PLCE1: variants seen among roughly 807,000 people sequenced by gnomAD.
PLCE1 encodes 1-phosphatidylinositol 4,5-bisphosphate phosphodiesterase epsilon-1.
Under a neutral mutation model 242.8 loss-of-function variants are expected in PLCE1, and 119 were observed. The observed-to-expected ratio is 0.49, with a 90% CI of 0.42 to 0.57. PLCE1 has a LOEUF of 0.57. PLCE1 is among the 20% of genes least tolerant of loss of function. The probability of loss-of-function intolerance (pLI) is 0.00; values close to 1 mark genes in which losing one functional copy is unlikely to be tolerated. For synonymous variants in PLCE1, 945 were observed against 1,017.4 expected, an observed-to-expected ratio of 0.93 and a Z score of 1.35; for missense variants, 2,441 against 2,788.8, an observed-to-expected ratio of 0.88 and a Z score of 2.81.
rs541692822 is a variant in PLCE1 at position 94,171,353 on chromosome 10, C to T, written c.1666C>T (p.Leu556Phe). 8 of 1,614,184 alleles carry T rather than the reference C, an allele frequency of 5.0e-6. No homozygotes were observed. In the African/African-American group the frequency reaches 9.3e-5, roughly 19 times the overall value. Residue 556 changes from leucine (L) to phenylalanine (F), a missense_variant, in exon 4 of 33, where the codon CTT (leucine) becomes TTT (phenylalanine). This residue lies in a region of PLCE1 where 733 missense variants were observed against 754.2 expected (regional missense o/e 0.97). Transcript: ENST00000371380. Reference protein sequence around the residue: ...IYRRVLPVDYLCFLTRDLGTP... With the variant: ...IYRRVLPVDYFCFLTRDLGTP... ...CCGCAGGGTCTTGCCAGTCGACTAC[C>T]TTTGCTTCTTAACACGGGACTTGGG...
rs1454663268 is a variant in PLCE1, at chr10:94,234,312, G to A, written c.2214G>A (p.Glu738=). Residue 738 remains glutamate (E), a splice_region_variant and synonymous_variant, in exon 6 of 33, where the codon GAG becomes GAA. Coordinates refer to ENST00000371380, the MANE Select transcript of PLCE1 (RefSeq NM_016341.4). Reference sequence around the variant, plus strand: ...ACAATTCCCAAGAAGAAACTTTAGAGGTAAGGCCTTTCAGAATCATCGTGG... The same window carrying A: ...ACAATTCCCAAGAAGAAACTTTAGAAGTAAGGCCTTTCAGAATCATCGTGG... ...PRYNSQEETL[E]FVADYSGQDN... The A allele has an allele frequency of 1.2e-6, 2 of 1,613,838 alleles. No homozygotes were observed. Among genetic ancestry groups the A allele is most frequent in the South Asian group, 1.1e-5 (1 of 91,062 alleles).
At chr10:94,059,140 T>C (rs1485729006) in intron 2 of PLCE1, among the ~76,000 whole-genome samples, 1 of 152,084 alleles carries the variant, frequency 6.6e-6, no homozygotes, top group Non-Finnish European at 1.5e-5. Flanking sequence ...AAACTAGACA[T>C]GTGGAAAGGA....
intron 7 of PLCE1, among the ~76,000 whole-genome samples, chr10:94,236,421 A>C (rs559645857): frequency 6.6e-6 from 1 of 152,218 alleles, no homozygotes; most frequent in Admixed American, 6.5e-5. Flanking sequence ...CAACACATTA[A>C]ATTTCAGAAG....
At chr10:94,315,809 C>A (rs1388839724) in intron 28 of PLCE1, among the ~76,000 whole-genome samples, 1 of 150,100 alleles carries the variant, frequency 6.7e-6, no homozygotes, top group Non-Finnish European at 1.5e-5. Flanking sequence ...AATGGCTCAT[C>A]TTTATTGAGT....
chr10:94,062,193 C>G (rs2044072386), intron 2 of PLCE1, among the ~76,000 whole-genome samples: 1 of 152,166 alleles, frequency 6.6e-6, no homozygotes, highest in Non-Finnish European at 1.5e-5. Context: ...GAATTTGTGT[C>G]CTAGCTCTCT....
chr10:94,306,722 T>C lies in PLCE1; in HGVS notation c.5884+34T>C. ...AAATTGTCCAAATGTTAATAATTGTTGTAGCTAGGTGATGGATGCCAGAAT... is the reference window on the plus strand; with the variant it reads ...AAATTGTCCAAATGTTAATAATTGTCGTAGCTAGGTGATGGATGCCAGAAT... On this transcript the variant is annotated intron_variant, in intron 26 of 32. Coordinates refer to ENST00000371380, the MANE Select transcript of PLCE1 (RefSeq NM_016341.4). This position sits in a 1 kb window ranked among gnomAD's most constrained non-coding sequence, Gnocchi z 5.7. 1 of 1,515,170 alleles carries C rather than the reference T, an allele frequency of 6.6e-7. No homozygotes were observed. The highest frequency in any genetic ancestry group is 9.1e-7 in the Non-Finnish European group (1 of 1,099,266). 93.9% of individuals were successfully genotyped at this position (1,515,170 alleles called of 1,614,324 possible).
chr10:94,130,902 A>T (rs2046580347), intron 2 of PLCE1, among the ~76,000 whole-genome samples: 1 of 152,138 alleles, frequency 6.6e-6, no homozygotes, highest in African/African-American at 2.4e-5. Context: ...GGGCAGTGAG[A>T]GTCTTCTACT....
chr10:94,097,079 T>C (rs2045343834), intron 2 of PLCE1, among the ~76,000 whole-genome samples: 1 of 152,212 alleles, frequency 6.6e-6, no homozygotes, highest in South Asian at 2.1e-4. Context: ...CTTTAACTGA[T>C]GATGAAACTG....
At chr10:94,323,516 T>C (rs533923127) in intron 30 of PLCE1, among the ~76,000 whole-genome samples, 2 of 152,348 alleles carry the variant, frequency 1.3e-5, no homozygotes, top group Non-Finnish European at 2.9e-5. Context: ...ACTATTCCCG[T>C]TGGCTCCAGC....
At chr10:94,156,085 A>G (rs1173345589) in intron 3 of PLCE1, among the ~76,000 whole-genome samples, 1 of 152,242 alleles carries the variant, frequency 6.6e-6, no homozygotes, top group Admixed American at 6.5e-5. Flanking sequence ...GTGTGATAAT[A>G]ATGCCACAGT....
Position 94,031,885 on chromosome 10 carries a change from A to G in PLCE1, c.839A>G (p.Asp280Gly), listed in dbSNP as rs1213761389. ...CEKVDMVYSG[D>G]SFCRKDFTDS... is the part of the protein sequence containing the mutation. The stretch of plus-strand genomic sequence containing the variant: ...AAGGTTGACATGGTATATTCAGGTG[A>G]TAGCTTTTGTAGGAAAGACTTTACT... The change falls in exon 2 of 33, where the codon GAT becomes GGT. Residue 280 changes from aspartate to glycine, a missense_variant. By Grantham distance (94) the Asp-to-Gly change is moderately conservative. Transcript: ENST00000371380. 1.2e-6 allele frequency: 2 copies of G among 1,613,944 alleles called. No individual in the cohort carries two copies. The highest frequency in any genetic ancestry group is 1.7e-5 in the Admixed American group (1 of 59,972).
chr10:94,220,397 T>TC lies in PLCE1; in HGVS notation c.1810-6909_1810-6908insC, dbSNP rs1199967493. Among the ~76,000 whole-genome samples the TC allele has an allele frequency of 1.9e-3, 240 of 129,068 alleles. 7 individuals are homozygous for TC. Among genetic ancestry groups the TC allele is most frequent in the African/African-American group, 6.7e-3 (228 of 34,156 alleles). 84.7% of individuals were successfully genotyped at this position (129,068 alleles called of 152,430 possible). On this transcript the variant is annotated intron_variant, in intron 4 of 32. Transcript: ENST00000371380. The stretch of plus-strand genomic sequence containing the variant: ...CATTTTATATATATATATATATATA[T>TC]ATATATATATATATATATATATGAT...
intron 32 of PLCE1, among the ~76,000 whole-genome samples, chr10:94,326,440 ATT>A (rs1228463625): frequency 1.3e-5 from 2 of 152,194 alleles, no homozygotes; most frequent in African/African-American, 2.4e-5. Flanking sequence ...AATTTTAAAT[ATT>A]GTTTTCCATA....
Position 94,171,473 on chromosome 10 carries a change from G to C in PLCE1, c.1786G>C (p.Asp596His). The C allele has an allele frequency of 6.2e-7, 1 of 1,614,110 alleles. No individual in the cohort carries two copies. Among genetic ancestry groups the C allele is most frequent in the Non-Finnish European group, 8.5e-7 (1 of 1,179,960 alleles). The stretch of plus-strand genomic sequence containing the variant: ...GAATGGAGAGCACAATGCCCTTGAA[G>C]ATCTGGTGATGAGGTTTAATGAGGT... The part of the protein sequence containing the change: ...TQNGEHNALE[D>H]LVMRFNEVSS... The change falls in exon 4 of 33, where the codon GAT becomes CAT. Residue 596 changes from aspartate to histidine, a missense_variant. Physicochemically the swap from Asp to His is moderately conservative, Grantham distance 81. Around this residue, in one of 5 missense-constraint regions of PLCE1, gnomAD observed 733 missense variants for 754.2 expected, o/e 0.97. Transcript: ENST00000371380.
chr10:94,295,111 T>A (rs969252122), intron 23 of PLCE1, among the ~76,000 whole-genome samples: 1 of 151,294 alleles, frequency 6.6e-6, no homozygotes, highest in Admixed American at 6.6e-5. Flanking sequence ...AGAGATGGGG[T>A]TTTACCATGT....
intron 4 of PLCE1, chr10:94,227,060 A>G (rs144822059): frequency 2.8e-4 from 116 of 412,008 alleles, no homozygotes; most frequent in African/African-American, 2.4e-3. Context: ...TATTTTTAGT[A>G]GAAACGGGCT....
chr10:94,101,196 G>A lies in PLCE1; in HGVS notation c.1207-30978G>A, dbSNP rs1317453161. Among the ~76,000 whole-genome samples the A allele has an allele frequency of 3.9e-5, 6 of 152,270 alleles. No individual in the cohort carries two copies. The East Asian group carries it at 9.7e-4, about 25-fold the overall frequency. ...AAGGGTACTTCCTAGCCTCACCTGC[G>A]CACCTCACCCCTGTGTGCACAGCAC... On this transcript the variant is annotated intron_variant, in intron 2 of 32. Coordinates refer to ENST00000371380, the MANE Select transcript of PLCE1 (RefSeq NM_016341.4).
intron 2 of PLCE1, among the ~76,000 whole-genome samples, chr10:94,041,225 CTT>C (rs1456456441): frequency 4.6e-5 from 7 of 152,090 alleles, no homozygotes; most frequent in Non-Finnish European, 1.0e-4. Context: ...TCGAATGACT[CTT>C]TGAATTATAA....
chr10:94,140,770 G>C (rs1181711334), intron 3 of PLCE1, among the ~76,000 whole-genome samples: 4 of 152,330 alleles, frequency 2.6e-5, no homozygotes, highest in African/African-American at 9.6e-5. Context: ...GGCAAGGAAG[G>C]CATGTGCATA....
Sources: allele counts gnomAD v4.1 joint callset (sites outside exome capture counted in the v4.1 genomes callset), GRCh38; gene constraint gnomAD v4.1.1; regional missense constraint gnomAD v4.1.1; non-coding constraint Gnocchi (gnomAD v3.1); transcripts MANE v1.5; gene names NCBI Gene and HGNC (gene_info 2026-07-23, HGNC 2026-07-21).